Variants in OPRM1 observed in about 807,000 individuals in gnomAD.
The protein encoded by OPRM1 is opioid receptor mu 1.
A neutral mutation model predicts 31.8 loss-of-function variants in OPRM1; 27 were observed. That is an observed-to-expected ratio of 0.85 (90% CI 0.63 to 1.17). The LOEUF (loss-of-function observed/expected upper bound fraction) is 1.17, where lower values mean the gene tolerates loss of function less well. Among genes scored for constraint, OPRM1 ranks in the 50% most tolerant of loss-of-function variants. The pLI, the probability that OPRM1 is intolerant of heterozygous loss-of-function variation, is 0.00. For missense variants in OPRM1, 536 were observed against 511.1 expected (o/e 1.05, Z -0.47); for synonymous variants, 196 against 189.9 (o/e 1.03, Z -0.26).
Position 154,107,676 on chromosome 6 carries a change from G to A in OPRM1, c.1165-11007G>A, listed in dbSNP as rs964675280. On this transcript the variant is annotated intron_variant, in intron 3 of 3. Coordinates refer to ENST00000330432, the MANE Select transcript of OPRM1 (RefSeq NM_000914.5). ...CCTTGAAGGTGGAGACCAAGAGAAG[G>A]TACTGCCGTGTGGTTAAAAGGTCAA... 12 of 718,398 alleles carry A rather than the reference G, an allele frequency of 1.7e-5. No homozygotes were observed. In the African/African-American group the frequency reaches 2.1e-4, roughly 13 times the overall value. The allele number at this position is 718,398 out of a possible 1,614,324, so 44.5% of individuals were successfully genotyped here. A position where few individuals can be genotyped will look rare whatever the true frequency, so the allele number is the denominator to read the frequency against.
rs771560630 is a variant in OPRM1 at position 154,214,233 on chromosome 6, T to A, written c.1165-32460T>A. The A allele has an allele frequency of 3.0e-5, 48 of 1,608,196 alleles. No homozygotes were observed. The South Asian group carries it at 5.1e-4, about 17-fold the overall frequency. ...TAGAACATACCTTCATCCTTTGTAG[T>A]GGATTCCTGATGGATTACAGCCGAT... On this transcript the variant is annotated intron_variant, in intron 3 of 3. Transcript: ENST00000337049.
chr6:154,188,200 G>A (rs1367282052), intron 3 of OPRM1, among the ~76,000 whole-genome samples: 2 of 152,162 alleles, frequency 1.3e-5, no homozygotes, highest in African/African-American at 4.8e-5. Flanking sequence ...TTGCATTCAT[G>A]TAAACCAGCA....
intron 3 of OPRM1, among the ~76,000 whole-genome samples, chr6:154,149,324 C>T (rs1798435783): frequency 1.3e-5 from 2 of 152,124 alleles, no homozygotes; most frequent in Admixed American, 6.5e-5. Context: ...TGAGAACTCA[C>T]TCACTATCAC....
At chr6:154,147,702 TCTC>T (rs1294008703) in intron 3 of OPRM1, among the ~76,000 whole-genome samples, 1 of 152,140 alleles carries the variant, frequency 6.6e-6, no homozygotes, top group Non-Finnish European at 1.5e-5. Context: ...GTGCCACTGA[TCTC>T]CTACCATGAG....
chr6:154,158,370 C>G (rs1009936465), intron 3 of OPRM1: 3 of 152,154 alleles, frequency 2.0e-5, no homozygotes, highest in Admixed American at 6.6e-5. Context: ...CTCTATAGCT[C>G]TCTTTAACAC....
Position 154,107,484 on chromosome 6 carries a change from G to A in OPRM1, c.1165-11199G>A, listed in dbSNP as rs1431508236. Reference sequence around the variant, plus strand: ...TTCTAGGTGGAATTGAACCTGGACTGTCACTGTGAAAATGCAAAGCCTTGG... The same window carrying A: ...TTCTAGGTGGAATTGAACCTGGACTATCACTGTGAAAATGCAAAGCCTTGG... On this transcript the variant is annotated intron_variant, in intron 3 of 3. Transcript: ENST00000330432. 5.6e-6 allele frequency: 4 copies of A among 718,444 alleles called. No individual in the cohort carries two copies. In the African/African-American group the frequency reaches 7.0e-5, roughly 13 times the overall value. 44.5% of individuals were successfully genotyped at this position (718,444 alleles called of 1,614,324 possible).
intron 3 of OPRM1, among the ~76,000 whole-genome samples, chr6:154,188,205 C>G (rs1801551800): frequency 6.6e-6 from 1 of 151,882 alleles, no homozygotes; most frequent in Non-Finnish European, 1.5e-5. Context: ...TTCATGTAAA[C>G]CAGCAATAGT....
intron 3 of OPRM1, among the ~76,000 whole-genome samples, chr6:154,245,023 G>T (rs192864357): frequency 6.6e-6 from 1 of 152,182 alleles, no homozygotes; most frequent in Non-Finnish European, 1.5e-5. Context: ...ACAAGAAAGA[G>T]ACATTTATAT....
At chr6:154,195,234 G>A (rs1204437141) in intron 3 of OPRM1, among the ~76,000 whole-genome samples, 7 of 141,846 alleles carry the variant, frequency 4.9e-5, no homozygotes, top group South Asian at 2.3e-4. Flanking sequence ...TGCAATCTCC[G>A]CCTCCAGGGT....
At chr6:154,155,458 T>C (rs1458566338) in intron 3 of OPRM1, 1 of 152,226 alleles carries the variant, frequency 6.6e-6, no homozygotes, top group African/African-American at 2.4e-5. Flanking sequence ...GCAGCTTTTC[T>C]GTACTTAACA....
chr6:154,019,693 T>G (rs1303418477), intron 1 of OPRM1, among the ~76,000 whole-genome samples: 1 of 152,044 alleles, frequency 6.6e-6, no homozygotes, highest in Non-Finnish European at 1.5e-5. Flanking sequence ...AAATGTGAAT[T>G]TAAGGTTTCT....
At chr6:154,245,165 A>G (rs1352024404) in intron 3 of OPRM1, among the ~76,000 whole-genome samples, 3 of 152,242 alleles carry the variant, frequency 2.0e-5, no homozygotes, top group African/African-American at 7.2e-5. Context: ...TGAAGAATGT[A>G]TTCAGGAGGG....
At position 154,121,016 on chromosome 6, in the gene OPRM1, G is replaced by C. The variant is rs900931426; in HGVS notation, c.*2295G>C. ...CAAAACCATTTTTTAACGTAAATTT[G>C]CTAGAACCACCTTCCAATTCCAAGG... On this transcript the variant is annotated 3_prime_UTR_variant, in exon 4 of 4. Transcript: ENST00000330432. Among the ~76,000 whole-genome samples, 4 of 152,138 alleles carry C rather than the reference G, an allele frequency of 2.6e-5. No homozygotes were observed. The highest frequency in any genetic ancestry group is 9.7e-5 in the African/African-American group (4 of 41,434).
intron 1 of OPRM1, among the ~76,000 whole-genome samples, chr6:154,025,191 C>T (rs189970797): frequency 1.9e-4 from 29 of 151,930 alleles, no homozygotes; most frequent in African/African-American, 5.6e-4. Flanking sequence ...CTTTATATAT[C>T]GGGGTGCCCA....
chr6:154,019,222 A>T (rs191235421), intron 1 of OPRM1, among the ~76,000 whole-genome samples: 90 of 110,386 alleles, frequency 8.2e-4, no homozygotes, highest in African/African-American at 2.9e-3. Flanking sequence ...ATGCTTTTTT[A>T]AAAAATCATC....
intron 3 of OPRM1, among the ~76,000 whole-genome samples, chr6:154,235,018 A>G (rs1780003824): frequency 6.6e-6 from 1 of 152,234 alleles, no homozygotes. Flanking sequence ...CTGCACCAGC[A>G]TAGTCAAAAA....
At position 154,131,964 on chromosome 6, in the gene OPRM1, A is replaced by G. The variant is rs1310801095; in HGVS notation, c.*13243A>G. On this transcript the variant is annotated 3_prime_UTR_variant, in exon 4 of 4. Transcript: ENST00000330432. ...TTGGTTTTTTTTTTTTTTTCTCTTC[A>G]TTAGTGTGTTAGTTCCATCATCATG... Among the ~76,000 whole-genome samples the G allele has an allele frequency of 7.5e-6, 1 of 132,894 alleles. No homozygotes were observed. Among genetic ancestry groups the G allele is most frequent in the Non-Finnish European group, 1.6e-5 (1 of 62,958 alleles). The allele number at this position is 132,894 out of a possible 152,430, so 87.2% of individuals were successfully genotyped here.
chr6:154,057,733 A>T (rs1046794615), intron 1 of OPRM1, among the ~76,000 whole-genome samples: 1 of 152,204 alleles, frequency 6.6e-6, no homozygotes, highest in Non-Finnish European at 1.5e-5. Flanking sequence ...GTCCTGTATG[A>T]GTGGAATTTG....
chr6:154,090,539 GTATCTTTCTACACCTAA>G (rs1270653362), intron 2 of OPRM1, among the ~76,000 whole-genome samples: 6 of 152,052 alleles, frequency 3.9e-5, no homozygotes, highest in Non-Finnish European at 5.9e-5. Context: ...CATGGCAAAT[GTATCTTTCTACACCTAA>G]TATCAGAATA....
Sources: gnomAD v4.1 joint callset for allele counts (sites outside exome capture counted in the v4.1 genomes callset) on GRCh38, gnomAD v4.1.1 for gene constraint, MANE v1.5 for transcripts, NCBI Gene and HGNC (gene_info 2026-07-23, HGNC 2026-07-21) for gene names.